The following GRIN2A variants were observed in gnomAD, a reference collection of about 807,000 sequenced individuals.
GRIN2A encodes glutamate receptor ionotropic, NMDA 2A.
In GRIN2A, 22 loss-of-function variants were observed where a neutral mutation model predicts 113.4. The ratio of observed to expected loss-of-function variants is 0.19; its 90% CI spans 0.14 to 0.28. The LOEUF is 0.28. GRIN2A is among the 10% of genes least tolerant of loss of function. The pLI, the probability that GRIN2A is intolerant of heterozygous loss-of-function variation, is 1.00. For synonymous variants in GRIN2A, 827 were observed against 738.4 expected, an observed-to-expected ratio of 1.12 and a Z score of -1.94; for missense variants, 1,502 against 1,887.0, an observed-to-expected ratio of 0.80 and a Z score of 3.78.
At chr16:10,095,929 G>A (rs988491761) in intron 2 of GRIN2A, among the ~76,000 whole-genome samples, 1 of 152,144 alleles carries the variant, frequency 6.6e-6, no homozygotes, top group African/African-American at 2.4e-5. Context: ...TCTGAATAAA[G>A]AGAATATAGG....
chr16:9,856,549 C>T (rs917742637), intron 4 of GRIN2A, among the ~76,000 whole-genome samples: 22 of 147,786 alleles, frequency 1.5e-4, no homozygotes, highest in African/African-American at 4.5e-4. Flanking sequence ...GGCATGAACC[C>T]GGGAGGCCGA....
intron 2 of GRIN2A, among the ~76,000 whole-genome samples, chr16:10,004,100 G>C (rs1042286836): frequency 6.6e-6 from 1 of 152,060 alleles, no homozygotes; most frequent in African/African-American, 2.4e-5. Context: ...CAAATAAAGA[G>C]GACAATTAGG....
chr16:9,853,686 A>C (rs528481758), intron 4 of GRIN2A, among the ~76,000 whole-genome samples: 1 of 152,324 alleles, frequency 6.6e-6, no homozygotes, highest in Non-Finnish European at 1.5e-5. Flanking sequence ...ATGTCCATAT[A>C]TAACCTGCCT....
intron 2 of GRIN2A, among the ~76,000 whole-genome samples, chr16:10,162,242 G>A (rs1010979224): frequency 6.6e-6 from 1 of 152,196 alleles, no homozygotes; most frequent in Non-Finnish European, 1.5e-5. Context: ...GCCCACATGA[G>A]AAGAACAAAG....
chr16:10,066,017 C>T (rs1254814060), intron 2 of GRIN2A, among the ~76,000 whole-genome samples: 1 of 152,208 alleles, frequency 6.6e-6, no homozygotes, highest in Admixed American at 6.5e-5. Flanking sequence ...CATCATGAAT[C>T]CAACAACTAA....
At chr16:10,111,506 T>C (rs1339346311) in intron 2 of GRIN2A, 10 of 706,702 alleles carry the variant, frequency 1.4e-5, no homozygotes, top group African/African-American at 3.5e-5. Context: ...CCATGGTTCA[T>C]AGATTTCATA....
intron 2 of GRIN2A, among the ~76,000 whole-genome samples, chr16:10,085,356 T>C (rs1043000397): frequency 1.3e-5 from 2 of 152,192 alleles, no homozygotes; most frequent in African/African-American, 2.4e-5. Flanking sequence ...GCTATGAATA[T>C]TCACAAAAGA....
chr16:9,812,528 C>T lies in GRIN2A; in HGVS notation c.2168+9736G>A, dbSNP rs188578074. Among the ~76,000 whole-genome samples the T allele has an allele frequency of 4.6e-5, 7 of 152,210 alleles. No individual in the cohort carries two copies. In the East Asian group the frequency reaches 1.4e-3, roughly 29 times the overall value. ...GTGGTGCACCCCTGTAATCCCACTA[C>T]TTGGGAGGCTGCAGCATGAGAATCA... On this transcript the variant is annotated intron_variant, in intron 10 of 12. Coordinates refer to ENST00000330684, the MANE Select transcript of GRIN2A (RefSeq NM_001134407.3).
At chr16:9,800,623 G>A (rs1903301051) in intron 10 of GRIN2A, among the ~76,000 whole-genome samples, 1 of 152,076 alleles carries the variant, frequency 6.6e-6, no homozygotes, top group Non-Finnish European at 1.5e-5. Flanking sequence ...ATGGTTTGAG[G>A]TGGCGCAAAA....
At position 10,164,645 on chromosome 16, in the gene GRIN2A, T is replaced by A. The variant is rs1244439021; in HGVS notation, c.414+15353A>T. On this transcript the variant is annotated intron_variant, in intron 2 of 12. Transcript: ENST00000330684. Reference sequence around the variant, plus strand: ...GCAATGCCTGGTGATGAAGAATGAATAATCATAGAACTCCCCGCCAGGCTT... The same window carrying A: ...GCAATGCCTGGTGATGAAGAATGAAAAATCATAGAACTCCCCGCCAGGCTT... Among the ~76,000 whole-genome samples, 3 of 152,242 alleles carry A rather than the reference T, an allele frequency of 2.0e-5. No individual in the cohort carries two copies. In the East Asian group the frequency reaches 5.8e-4, roughly 29 times the overall value.
intron 2 of GRIN2A, among the ~76,000 whole-genome samples, chr16:10,002,026 A>T (rs1210259257): frequency 6.6e-6 from 1 of 152,186 alleles, no homozygotes; most frequent in Admixed American, 6.6e-5. Context: ...TGTAGCTACT[A>T]ATATCATCAT....
chr16:9,966,803 C>T (rs141481569), intron 2 of GRIN2A, among the ~76,000 whole-genome samples: 216 of 152,278 alleles, frequency 1.4e-3, no homozygotes, highest in African/African-American at 4.9e-3. Context: ...CAATCCCTGC[C>T]CCTCACTTTC....
intron 2 of GRIN2A, among the ~76,000 whole-genome samples, chr16:10,017,712 A>G (rs1014275836): frequency 1.1e-4 from 16 of 152,248 alleles, no homozygotes; most frequent in African/African-American, 3.9e-4. Context: ...AGCAAGGCCA[A>G]TGAAGCACTT....
chr16:9,769,858 C>T (rs1212898460), intron 11 of GRIN2A, among the ~76,000 whole-genome samples: 1 of 152,156 alleles, frequency 6.6e-6, no homozygotes, highest in Non-Finnish European at 1.5e-5. Flanking sequence ...TTCTCTCTCT[C>T]TTTAGAACAT....
chr16:9,947,403 C>T (rs1015818300), intron 2 of GRIN2A, among the ~76,000 whole-genome samples: 8 of 152,186 alleles, frequency 5.3e-5, no homozygotes, highest in African/African-American at 1.7e-4. Context: ...AAACCAGTCC[C>T]GTTCATTAAG....
chr16:9,818,115 A>T (rs911040957), intron 10 of GRIN2A, among the ~76,000 whole-genome samples: 1 of 152,072 alleles, frequency 6.6e-6, no homozygotes, highest in Non-Finnish European at 1.5e-5. Context: ...TGAAAATTTT[A>T]AAAAGGAAAC....
chr16:10,172,131 T>A (rs1466748196), intron 2 of GRIN2A, among the ~76,000 whole-genome samples: 3 of 152,240 alleles, frequency 2.0e-5, no homozygotes, highest in African/African-American at 7.2e-5. Flanking sequence ...ATCTTAGTGA[T>A]AATTTTGTCC....
intron 2 of GRIN2A, among the ~76,000 whole-genome samples, chr16:10,117,090 C>T (rs1324719126): frequency 1.3e-5 from 2 of 151,430 alleles, no homozygotes; most frequent in Non-Finnish European, 2.9e-5. Context: ...GCTAAGCTTA[C>T]TCCATGCACA....
chr16:10,128,501 C>T (rs190847643), intron 2 of GRIN2A, among the ~76,000 whole-genome samples: 4 of 152,230 alleles, frequency 2.6e-5, no homozygotes, highest in African/African-American at 9.6e-5. Context: ...TTGGCCAAAC[C>T]ACCACTGTAG....
Sources: gnomAD v4.1 joint callset for allele counts (sites outside exome capture counted in the v4.1 genomes callset) on GRCh38, gnomAD v4.1.1 for gene constraint, MANE v1.5 for transcripts, NCBI Gene and HGNC (gene_info 2026-07-23, HGNC 2026-07-21) for gene names.